Variants in PLXDC2 observed in about 807,000 individuals in gnomAD.
PLXDC2 encodes plexin domain-containing protein 2.
A neutral mutation model predicts 68.9 loss-of-function variants in PLXDC2; 40 were observed. That is an observed-to-expected ratio of 0.58 (90% CI 0.45 to 0.76). The LOEUF is 0.76. PLXDC2 is among the 30% of genes least tolerant of loss of function. PLXDC2 has a pLI of 0.00. For missense variants in PLXDC2, 644 were observed against 661.9 expected (o/e 0.97, Z 0.30); for synonymous variants, 243 against 234.2 (o/e 1.04, Z -0.34).
intron 12 of PLXDC2, among the ~76,000 whole-genome samples, chr10:20,231,647 C>CT (rs373040608): frequency 0.022 from 3,292 of 150,440 alleles, 64 homozygotes; most frequent in Non-Finnish European, 0.034. Flanking sequence ...CAGTCATAAG[C>CT]TTTTTTTTTG....
At chr10:20,011,250 T>G (rs1343701596) in intron 2 of PLXDC2, among the ~76,000 whole-genome samples, 1 of 152,100 alleles carries the variant, frequency 6.6e-6, no homozygotes, top group Admixed American at 6.6e-5. Context: ...GGTCAGAAGA[T>G]GCAGGAGGCC....
chr10:20,027,116 A>G (rs1431518585), intron 2 of PLXDC2, among the ~76,000 whole-genome samples: 2 of 133,762 alleles, frequency 1.5e-5, no homozygotes, highest in African/African-American at 2.9e-5. Context: ...ATATTCTAAT[A>G]TACATAATAT....
At chr10:20,161,008 T>A (rs1243499078) in intron 6 of PLXDC2, among the ~76,000 whole-genome samples, 1 of 152,172 alleles carries the variant, frequency 6.6e-6, no homozygotes, top group East Asian at 1.9e-4. Flanking sequence ...GATACTTATC[T>A]GATTCCCAGA....
chr10:20,281,131 A>G lies in PLXDC2; in HGVS notation c.*1312A>G, dbSNP rs1836077121. The G allele has an allele frequency of 6.6e-6, 1 of 152,070 alleles. No homozygotes were observed. The highest frequency in any genetic ancestry group is 2.4e-5 in the African/African-American group (1 of 41,424). 9.4% of individuals were successfully genotyped at this position (152,070 alleles called of 1,614,324 possible). ...CATCATGTTCTTGACTATTTGATCC[A>G]CTTTTTCGTTTATGTCAACCCCTTC... On this transcript the variant is annotated 3_prime_UTR_variant, in exon 14 of 14. Transcript: ENST00000377252.
At chr10:19,958,763 A>G (rs527653840) in intron 1 of PLXDC2, among the ~76,000 whole-genome samples, 13 of 152,312 alleles carry the variant, frequency 8.5e-5, no homozygotes, top group Non-Finnish European at 1.6e-4. Flanking sequence ...GATCATCACA[A>G]ATAATTGTGT....
chr10:19,873,038 T>C (rs1837570091), intron 1 of PLXDC2, among the ~76,000 whole-genome samples: 1 of 152,226 alleles, frequency 6.6e-6, no homozygotes, highest in East Asian at 1.9e-4. Flanking sequence ...ACAGGAAATC[T>C]CCTAATACAG....
chr10:19,933,924 A>G (rs1833682773), intron 1 of PLXDC2, among the ~76,000 whole-genome samples: 1 of 152,050 alleles, frequency 6.6e-6, no homozygotes. Context: ...AAAGGAAGGA[A>G]GGACAGAAGG....
At chr10:20,009,989 T>G (rs985151235) in intron 2 of PLXDC2, among the ~76,000 whole-genome samples, 5 of 152,048 alleles carry the variant, frequency 3.3e-5, no homozygotes, top group African/African-American at 1.2e-4. Flanking sequence ...AGATAGTGGT[T>G]AGGGGAAAGG....
At chr10:19,867,489 C>T (rs1837443284) in intron 1 of PLXDC2, among the ~76,000 whole-genome samples, 1 of 152,148 alleles carries the variant, frequency 6.6e-6, no homozygotes, top group Non-Finnish European at 1.5e-5. Context: ...CTATAAGGAG[C>T]CAAACATCGG....
chr10:20,107,748 T>G (rs185264481), intron 4 of PLXDC2, among the ~76,000 whole-genome samples: 1 of 152,244 alleles, frequency 6.6e-6, no homozygotes, highest in East Asian at 1.9e-4. Context: ...TTTATTCAGT[T>G]TATAGTATTT....
intron 13 of PLXDC2, among the ~76,000 whole-genome samples, chr10:20,255,189 ATGG>A: frequency 1.8e-5 from 1 of 55,334 alleles, no homozygotes. Context: ...GGATAGGTGG[ATGG>A]ATAGATAGAT....
intron 1 of PLXDC2, among the ~76,000 whole-genome samples, chr10:19,970,403 A>G (rs1275532999): frequency 6.6e-6 from 1 of 152,196 alleles, no homozygotes; most frequent in African/African-American, 2.4e-5. Context: ...GACAGTTCAT[A>G]TGAGGGAAAT....
At chr10:20,114,427 T>C (rs1051147056) in intron 4 of PLXDC2, among the ~76,000 whole-genome samples, 1 of 152,226 alleles carries the variant, frequency 6.6e-6, no homozygotes, top group African/African-American at 2.4e-5. Context: ...TGTCAGACGC[T>C]GTGTTGAAAT....
chr10:19,900,763 C>T (rs1051914251), intron 1 of PLXDC2, among the ~76,000 whole-genome samples: 6 of 151,912 alleles, frequency 3.9e-5, no homozygotes, highest in African/African-American at 1.4e-4. Context: ...CCCCGCCTAC[C>T]CTTTGCCCAG....
intron 4 of PLXDC2, among the ~76,000 whole-genome samples, chr10:20,078,423 T>G (rs1836489989): frequency 6.6e-6 from 1 of 152,168 alleles, no homozygotes; most frequent in South Asian, 2.1e-4. Flanking sequence ...TAATATAATT[T>G]GGAGATAATT....
At chr10:20,241,929 G>A (rs1835521054) in intron 12 of PLXDC2, among the ~76,000 whole-genome samples, 1 of 152,066 alleles carries the variant, frequency 6.6e-6, no homozygotes, top group South Asian at 2.1e-4. Context: ...ACACTGGATG[G>A]GTGGATAGAT....
At chr10:20,253,370 G>A (rs996834568) in intron 13 of PLXDC2, among the ~76,000 whole-genome samples, 103 of 145,572 alleles carry the variant, frequency 7.1e-4, no homozygotes, top group African/African-American at 2.4e-3. Flanking sequence ...GTCTCAAAAT[G>A]ATAATAATAA....
chr10:20,155,916 G>C (rs369998232), intron 6 of PLXDC2, among the ~76,000 whole-genome samples: 3 of 152,052 alleles, frequency 2.0e-5, no homozygotes, highest in East Asian at 1.9e-4. Flanking sequence ...GTCTCATTCT[G>C]TTGCCTCGGC....
At chr10:19,901,467 T>C (rs995515667) in intron 1 of PLXDC2, among the ~76,000 whole-genome samples, 1 of 152,200 alleles carries the variant, frequency 6.6e-6, no homozygotes, top group Non-Finnish European at 1.5e-5. Context: ...TTGCCATTTG[T>C]ATATCTTCTT....
Sources: gnomAD v4.1 joint callset for allele counts (sites outside exome capture counted in the v4.1 genomes callset) on GRCh38, gnomAD v4.1.1 for gene constraint, MANE v1.5 for transcripts, NCBI Gene and HGNC (gene_info 2026-07-23, HGNC 2026-07-21) for gene names.